AGK: variants seen among roughly 807,000 people sequenced by gnomAD.
AGK encodes acylglycerol kinase, mitochondrial.
A neutral mutation model predicts 66.4 loss-of-function variants in AGK; 52 were observed. That is an observed-to-expected ratio of 0.78 (90% CI 0.63 to 0.99). The LOEUF is 0.99. Ranked by LOEUF, AGK falls within the 50% of genes least tolerant of loss-of-function variation. AGK has a pLI of 0.00. For synonymous variants in AGK, 182 were observed against 181.1 expected (o/e 1.00, Z -0.04); for missense variants, 451 against 506.6 (o/e 0.89, Z 1.05).
chr7:141,603,479 G>C (rs1321863275), intron 5 of AGK, among the ~76,000 whole-genome samples: 1 of 151,816 alleles, frequency 6.6e-6, no homozygotes, highest in Non-Finnish European at 1.5e-5. Context: ...TTTTTGCCTG[G>C]TATCATTTTT....
chr7:141,579,776 C>A (rs1358657909), intron 2 of AGK, among the ~76,000 whole-genome samples: 1 of 151,852 alleles, frequency 6.6e-6, no homozygotes, highest in Non-Finnish European at 1.5e-5. Context: ...TATGAAATGA[C>A]GACAGAATAG....
At chr7:141,641,958 C>A in intron 13 of AGK, 50 bp downstream of exon 13, 1 of 1,428,666 alleles carries the variant, frequency 7.0e-7, no homozygotes, top group Non-Finnish European at 9.7e-7. Context: ...AGAAAAGTGA[C>A]AATAGCTATA....
At chr7:141,628,184 C>T (rs1796979563) in intron 9 of AGK, among the ~76,000 whole-genome samples, 1 of 152,104 alleles carries the variant, frequency 6.6e-6, no homozygotes, top group South Asian at 2.1e-4. Context: ...CTGGCCTGTG[C>T]TTATATTTAA....
At chr7:141,652,362 CAGCAGATACAAT>C (rs374363357) in intron 15 of AGK, 1 of 155,930 alleles carries the variant, frequency 6.4e-6, no homozygotes, top group African/African-American at 2.4e-5. Flanking sequence ...GAAAATGATC[CAGCAGATACAAT>C]AGCATGTCAT....
chr7:141,615,511 G>T lies in AGK; in HGVS notation c.464G>T (p.Gly155Val), dbSNP rs1256920548. 6.2e-7 allele frequency: 1 copy of T among 1,614,008 alleles called. No homozygotes were observed. Among genetic ancestry groups the T allele is most frequent in the South Asian group, 1.1e-5 (1 of 91,066 alleles). ...ATTCCCATTGGATTTATCCCACTGG[G>T]AGAGACCAGTAGTTTGAGTCATACC... ...SKIPIGFIPL[G>V]ETSSLSHTLF... The change falls in exon 8 of 16, where the codon GGA becomes GTA. Residue 155 changes from glycine (G) to valine (V), a missense_variant. By Grantham distance (109) the Gly-to-Val change is moderately radical (BLOSUM62 -3). Transcript: ENST00000649286.
intron 9 of AGK, among the ~76,000 whole-genome samples, chr7:141,623,408 GA>G (rs372720202): frequency 1.6e-4 from 22 of 136,720 alleles, no homozygotes; most frequent in East Asian, 4.2e-4. Flanking sequence ...AAAAAAGAAA[GA>G]AAAAAAAAAA....
At chr7:141,569,849 G>T (rs142858730) in intron 2 of AGK, among the ~76,000 whole-genome samples, 78 of 152,242 alleles carry the variant, frequency 5.1e-4, no homozygotes, top group African/African-American at 1.8e-3. Flanking sequence ...ATGAAGAACT[G>T]TAAGCTGAGA....
intron 14 of AGK, chr7:141,650,517 G>C (rs1239154819): frequency 1.0e-6 from 1 of 985,354 alleles, no homozygotes; most frequent in Non-Finnish European, 1.2e-6. Flanking sequence ...TATCTGAAGA[G>C]AACATAGTGA....
chr7:141,583,274 A>G (rs1037890006), intron 2 of AGK, among the ~76,000 whole-genome samples: 1 of 151,780 alleles, frequency 6.6e-6, no homozygotes, highest in Admixed American at 6.5e-5. Flanking sequence ...AAGGGAGAAG[A>G]AGGAGGAATG....
At chr7:141,632,417 C>T (rs1458127486) in intron 9 of AGK, among the ~76,000 whole-genome samples, 2 of 152,108 alleles carry the variant, frequency 1.3e-5, no homozygotes, top group African/African-American at 2.4e-5. Flanking sequence ...TGCTGATGCC[C>T]CTGTGCTGGC....
At chr7:141,589,190 C>CT (rs1056052383) in intron 2 of AGK, among the ~76,000 whole-genome samples, 2 of 152,130 alleles carry the variant, frequency 1.3e-5, no homozygotes, top group African/African-American at 4.8e-5. Context: ...GGGCACGTCA[C>CT]TTTCCTTCTC....
rs984342561 is a variant in AGK at position 141,613,448 on chromosome 7, G to A, written c.391-698G>A. Among the ~76,000 whole-genome samples, 4 of 152,038 alleles carry A rather than the reference G, an allele frequency of 2.6e-5. 1 individual carries two copies. In the Middle Eastern group the frequency reaches 9.5e-3, roughly 361 times the overall value. ...AGCGTGACCAACATGGCGAAACCCC[G>A]TCTCTACTAAAAGTACAAAAATTAG... On this transcript the variant is annotated intron_variant, in intron 6 of 15. Coordinates refer to ENST00000649286, the MANE Select transcript of AGK (RefSeq NM_018238.4).
chr7:141,641,154 G>C, intron 11 of AGK, 94 bp from the exon 12 acceptor site: 1 of 1,193,204 alleles, frequency 8.4e-7, no homozygotes, highest in Non-Finnish European at 1.2e-6. Flanking sequence ...TTTCTAGCAG[G>C]TATAGGTAGA....
rs1217507177 is a variant in AGK at position 141,596,612 on chromosome 7, T to A, written c.192T>A (p.Thr64=). Residue 64 remains threonine (T), a synonymous_variant, in exon 4 of 16, where the codon ACT becomes ACA. Coordinates refer to ENST00000649286, the MANE Select transcript of AGK (RefSeq NM_018238.4). ...IPPNAQVKKA[T]VFLNPAACKG... ...CCAATGCACAAGTGAAGAAGGCCAC[T>A]GTTTTTCTCAATCCTGCAGCTTGCA... The A allele has an allele frequency of 6.2e-7, 1 of 1,613,978 alleles. No homozygotes were observed. Among genetic ancestry groups the A allele is most frequent in the Non-Finnish European group, 8.5e-7 (1 of 1,179,978 alleles).
intron 9 of AGK, among the ~76,000 whole-genome samples, chr7:141,624,106 AATGCACCT>A (rs1156417193): frequency 6.6e-6 from 1 of 152,114 alleles, no homozygotes; most frequent in East Asian, 1.9e-4. Flanking sequence ...GCTTATTAAC[AATGCACCT>A]GGCCACCCGA....
chr7:141,598,947 A>G lies in AGK; in HGVS notation c.222-2258A>G, dbSNP rs946219843. 1 of 152,126 alleles carries G rather than the reference A, an allele frequency of 6.6e-6. No individual in the cohort carries two copies. Among genetic ancestry groups the G allele is most frequent in the Non-Finnish European group, 1.5e-5 (1 of 68,024 alleles). The allele number at this position is 152,126 out of a possible 1,614,324, so 9.4% of individuals were successfully genotyped here. A position where few individuals can be genotyped will look rare whatever the true frequency, so the allele number is the denominator to read the frequency against. ...TTAGGGTCTTTTTACATGTAAATAT[A>G]TTTGCATTTTTAAAGGTAGATTCTT... On this transcript the variant is annotated intron_variant, in intron 4 of 15. Coordinates refer to ENST00000649286, the MANE Select transcript of AGK (RefSeq NM_018238.4). The surrounding 1 kb of genome is among the most constrained non-coding windows in gnomAD (Gnocchi z 4.2).
rs1421432638 is a variant in AGK, at chr7:141,653,836, A to G, written c.*912A>G. 3 of 152,250 alleles carry G rather than the reference A, an allele frequency of 2.0e-5. No individual in the cohort carries two copies. The highest frequency in any genetic ancestry group is 2.9e-5 in the Non-Finnish European group (2 of 68,050). 9.4% of individuals were successfully genotyped at this position (152,250 alleles called of 1,614,324 possible). A position where few individuals can be genotyped will look rare whatever the true frequency, so the allele number is the denominator to read the frequency against. ...TTTCATGGGAAGTTAAATAGTTGAC[A>G]AAGTATGTATTTGCTGGTGTCGTGT... On this transcript the variant is annotated 3_prime_UTR_variant, in exon 16 of 16. Transcript: ENST00000649286.
rs191460225 is a variant in AGK at position 141,555,934 on chromosome 7, G to T, written c.101+367G>T. Among the ~76,000 whole-genome samples the T allele has an allele frequency of 6.6e-6, 1 of 152,308 alleles. No homozygotes were observed. The highest frequency in any genetic ancestry group is 1.9e-4 in the East Asian group (1 of 5,184). On this transcript the variant is annotated intron_variant, in intron 2 of 15. Coordinates refer to ENST00000649286, the MANE Select transcript of AGK (RefSeq NM_018238.4). The surrounding 1 kb of genome is among the most constrained non-coding windows in gnomAD (Gnocchi z 4.2). ...AATTTAGTAAGTTTATTTTGCCAAA[G>T]TTAAGGACGTGCGCCTGCGACACAG...
rs1236442709 is a variant in AGK, at chr7:141,621,801, G to A, written c.588G>A (p.Lys196=). The part of the protein sequence containing the change: ...ETVPLDVLQI[K]GEKEQPVFAM... ...TTCCACTTGATGTCTTGCAGATCAA[G>A]GTAAATCTTTTCATCACATATTGGA... The change falls in exon 9 of 16, where the codon AAG becomes AAA. Residue 196 remains lysine (K), a splice_region_variant and synonymous_variant. Coordinates refer to ENST00000649286, the MANE Select transcript of AGK (RefSeq NM_018238.4). 6.2e-7 allele frequency: 1 copy of A among 1,610,176 alleles called. No homozygotes were observed. Among genetic ancestry groups the A allele is most frequent in the South Asian group, 1.1e-5 (1 of 90,668 alleles).
Sources: gnomAD v4.1 joint callset for allele counts (sites outside exome capture counted in the v4.1 genomes callset) on GRCh38, gnomAD v4.1.1 for gene constraint, Gnocchi (gnomAD v3.1) non-coding constraint, MANE v1.5 for transcripts, NCBI Gene and HGNC (gene_info 2026-07-23, HGNC 2026-07-21) for gene names.